The following BCL2 variants were observed in gnomAD, a reference collection of about 807,000 sequenced individuals.
BCL2 encodes apoptosis regulator Bcl-2.
In BCL2, 1 loss-of-function variant was observed where a neutral mutation model predicts 14.2. That is an observed-to-expected ratio of 0.07 (90% confidence interval 0.02 to 0.33). The LOEUF (loss-of-function observed/expected upper bound fraction) is 0.33, where lower values mean the gene tolerates loss of function less well. BCL2 is among the 10% of genes least tolerant of loss of function. The probability of loss-of-function intolerance (pLI) is 0.99; values close to 1 mark genes in which losing one functional copy is unlikely to be tolerated. For synonymous variants in BCL2, 151 were observed against 137.2 expected (o/e 1.10, Z -0.70); for missense variants, 247 against 305.9 (o/e 0.81, Z 1.44).
At chr18:63,177,788 C>T (rs892557509) in intron 2 of BCL2, among the ~76,000 whole-genome samples, 2 of 152,124 alleles carry the variant, frequency 1.3e-5, no homozygotes, top group Admixed American at 6.5e-5. Context: ...GGGGGTAGGA[C>T]CCTGCCTGAA....
intron 2 of BCL2, among the ~76,000 whole-genome samples, chr18:63,256,240 C>T (rs542430556): frequency 3.0e-4 from 45 of 152,164 alleles, no homozygotes; most frequent in African/African-American, 9.6e-4. Context: ...TATTTGAGAC[C>T]GAGTCTCGCT....
At position 63,133,718 on chromosome 18, in the gene BCL2, G is replaced by T. The variant is rs536875054; in HGVS notation, c.586-4959C>A. ...CATGCGGTTGGGGATATGGGCGGGG[G>T]TCCCAAAATAACCCTTATGCCCAGG... On this transcript the variant is annotated intron_variant, in intron 2 of 2. Coordinates refer to ENST00000333681, the MANE Select transcript of BCL2 (RefSeq NM_000633.3). Among the ~76,000 whole-genome samples, 23 of 152,266 alleles carry T rather than the reference G, an allele frequency of 1.5e-4. No individual in the cohort carries two copies. The South Asian group carries it at 4.6e-3, about 30-fold the overall frequency.
chr18:63,319,672 AT>A lies in BCL2; in HGVS notation c.-786del. On this transcript the variant is annotated 5_prime_UTR_variant, in exon 1 of 3. In the 5' UTR this introduces an upstream ATG that the reference lacks. Transcript: ENST00000333681. Reference sequence around the variant, plus strand: ...TGATTAAACTCCGAACAGCAAATGCATTTTCCGAAAAGCTGCTGGATAAATG... The same window carrying A: ...TGATTAAACTCCGAACAGCAAATGCATTTCCGAAAAGCTGCTGGATAAATG... 1 of 217,916 alleles carries A rather than the reference AT, an allele frequency of 4.6e-6. No individual in the cohort carries two copies. Among genetic ancestry groups the A allele is most frequent in the Non-Finnish European group, 9.2e-6 (1 of 108,402 alleles). The allele number at this position is 217,916 out of a possible 1,614,324, so 13.5% of individuals were successfully genotyped here. A position where few individuals can be genotyped will look rare whatever the true frequency, so the allele number is the denominator to read the frequency against.
chr18:63,195,825 A>T (rs1909430422), intron 2 of BCL2, among the ~76,000 whole-genome samples: 1 of 152,238 alleles, frequency 6.6e-6, no homozygotes, highest in African/African-American at 2.4e-5. Context: ...CTTTAAAAAA[A>T]ATCTAAGTAT....
intron 2 of BCL2, among the ~76,000 whole-genome samples, chr18:63,208,571 G>T (rs530503348): frequency 1.1e-4 from 16 of 152,014 alleles, no homozygotes; most frequent in African/African-American, 3.9e-4. Flanking sequence ...TAAGTGTTTC[G>T]TGTTGGGGGA....
chr18:63,176,169 C>A (rs1029641063), intron 2 of BCL2, among the ~76,000 whole-genome samples: 3 of 152,194 alleles, frequency 2.0e-5, no homozygotes, highest in South Asian at 2.1e-4. Flanking sequence ...GGAGCAATGG[C>A]AGGATGGAAA....
At chr18:63,295,072 G>C (rs1345445994) in intron 2 of BCL2, among the ~76,000 whole-genome samples, 4 of 151,702 alleles carry the variant, frequency 2.6e-5, no homozygotes, top group African/African-American at 9.7e-5. Context: ...GGCTGGGGCA[G>C]AGAACTGCTT....
At chr18:63,154,884 T>C (rs756298559) in intron 2 of BCL2, among the ~76,000 whole-genome samples, 14 of 152,192 alleles carry the variant, frequency 9.2e-5, no homozygotes, top group Non-Finnish European at 1.8e-4. Context: ...AAATTAAAAC[T>C]ATTTAAACAG....
chr18:63,312,053 A>T (rs1913341728), intron 2 of BCL2, among the ~76,000 whole-genome samples: 1 of 152,218 alleles, frequency 6.6e-6, no homozygotes, highest in Non-Finnish European at 1.5e-5. Flanking sequence ...ACTAGAGGAA[A>T]AGGATAGTGT....
At chr18:63,256,405 C>T (rs1474260679) in intron 2 of BCL2, among the ~76,000 whole-genome samples, 5 of 152,178 alleles carry the variant, frequency 3.3e-5, no homozygotes, top group Non-Finnish European at 5.9e-5. Flanking sequence ...TTAGTACAGA[C>T]GGGGTTTCAC....
At chr18:63,306,379 T>C (rs892849127) in intron 2 of BCL2, among the ~76,000 whole-genome samples, 1 of 152,160 alleles carries the variant, frequency 6.6e-6, no homozygotes, top group African/African-American at 2.4e-5. Context: ...TTCTCCCCCG[T>C]CTCATTAACG....
chr18:63,133,433 G>A (rs570398820), intron 2 of BCL2, among the ~76,000 whole-genome samples: 1 of 147,902 alleles, frequency 6.8e-6, no homozygotes, highest in African/African-American at 2.5e-5. Context: ...TGGGACTACA[G>A]GTACCCTCTA....
At chr18:63,269,475 A>G (rs982415307) in intron 2 of BCL2, among the ~76,000 whole-genome samples, 14 of 152,190 alleles carry the variant, frequency 9.2e-5, no homozygotes, top group Admixed American at 7.9e-4. Context: ...TTCAGTTATT[A>G]CATTAAAGAA....
At position 63,127,670 on chromosome 18, in the gene BCL2, C is replaced by T. The variant is rs1272433438; in HGVS notation, c.*955G>A. 4 of 229,524 alleles carry T rather than the reference C, an allele frequency of 1.7e-5. No individual in the cohort carries two copies. The highest frequency in any genetic ancestry group is 2.6e-5 in the Non-Finnish European group (3 of 115,694). 14.2% of individuals were successfully genotyped at this position (229,524 alleles called of 1,614,324 possible). ...TCTGCGGACTTCGGTCTCCTAAAAG[C>T]AGGCACTTGTGGCGGCCTGATGCTC... On this transcript the variant is annotated 3_prime_UTR_variant, in exon 3 of 3. Coordinates refer to ENST00000333681, the MANE Select transcript of BCL2 (RefSeq NM_000633.3).
At chr18:63,212,467 T>C (rs1272238681) in intron 2 of BCL2, among the ~76,000 whole-genome samples, 1 of 151,794 alleles carries the variant, frequency 6.6e-6, no homozygotes, top group East Asian at 1.9e-4. Flanking sequence ...AAGTAGACAG[T>C]CTCATTTTAG....
intron 2 of BCL2, among the ~76,000 whole-genome samples, chr18:63,217,100 G>A (rs1910227584): frequency 6.6e-6 from 1 of 152,186 alleles, no homozygotes; most frequent in Non-Finnish European, 1.5e-5. Context: ...TGCTCCAACT[G>A]AGGTAGTTTA....
chr18:63,147,207 C>T (rs1467404777), intron 2 of BCL2, among the ~76,000 whole-genome samples: 1 of 152,198 alleles, frequency 6.6e-6, no homozygotes, highest in Admixed American at 6.5e-5. Context: ...TCCAGGGATT[C>T]ACCTTTCCAG....
chr18:63,169,309 T>C (rs1346086874), intron 2 of BCL2, among the ~76,000 whole-genome samples: 1 of 50,126 alleles, frequency 2.0e-5, no homozygotes, highest in African/African-American at 8.5e-5. Context: ...TCTTTCTTTC[T>C]TCCTTCCTTC....
intron 2 of BCL2, among the ~76,000 whole-genome samples, chr18:63,175,086 C>T (rs1915323669): frequency 6.6e-6 from 1 of 152,144 alleles, no homozygotes; most frequent in Non-Finnish European, 1.5e-5. Context: ...CGCAAGCCCC[C>T]CACAAGCACT....
Sources: allele counts gnomAD v4.1 joint callset (sites outside exome capture counted in the v4.1 genomes callset), GRCh38; gene constraint gnomAD v4.1.1; transcripts MANE v1.5; gene names NCBI Gene and HGNC (gene_info 2026-07-23, HGNC 2026-07-21).